TRIM48: variants seen among roughly 807,000 people sequenced by gnomAD.
The protein encoded by TRIM48 is tripartite motif containing 48.
Under a neutral mutation model 29.5 loss-of-function variants are expected in TRIM48, and 31 were observed. The ratio of observed to expected loss-of-function variants is 1.05; its 90% CI spans 0.79 to 1.42. The LOEUF is 1.42. Among genes scored for constraint, TRIM48 ranks in the 40% most tolerant of loss-of-function variants. The pLI, the probability that TRIM48 is intolerant of heterozygous loss-of-function variation, is 0.00. For missense variants in TRIM48, 344 were observed against 265.0 expected (o/e 1.30, Z -2.07); for synonymous variants, 128 against 90.6 (o/e 1.41, Z -2.34).
At chr11:55,262,434 T>C (rs1428768463) in intron 1 of TRIM48, 123 bp downstream of exon 1, 4 of 730,136 alleles carry the variant, frequency 5.5e-6, no homozygotes, top group Non-Finnish European at 9.2e-6. Flanking sequence ...TTCATATTCT[T>C]ACTATAGATT....
Position 55,262,265 on chromosome 11 carries a change from A to G in TRIM48, c.-3A>G, listed in dbSNP as rs549612400. On this transcript the variant is annotated 5_prime_UTR_variant, in exon 1 of 6. Transcript: ENST00000417545. ...CTGACCTTGAGGAGTACTTAACAGAATTATGTCTCGAAGAATCATTGTGGG... is the reference window on the plus strand; with the variant it reads ...CTGACCTTGAGGAGTACTTAACAGAGTTATGTCTCGAAGAATCATTGTGGG... 3 of 1,548,872 alleles carry G rather than the reference A, an allele frequency of 1.9e-6. No homozygotes were observed. Among genetic ancestry groups the G allele is most frequent in the East Asian group, 4.9e-5 (2 of 40,872 alleles).
At chr11:55,268,467 T>A in intron 4 of TRIM48, 95 bp downstream of exon 4, 1 of 1,255,608 alleles carries the variant, frequency 8.0e-7, no homozygotes, top group East Asian at 2.8e-5. Flanking sequence ...GATTAAGATA[T>A]TGATACTATT....
At chr11:55,269,384 T>A in intron 5 of TRIM48, 45 bp downstream of exon 5, 6 of 1,554,624 alleles carry the variant, frequency 3.9e-6, no homozygotes, top group Non-Finnish European at 5.2e-6. Flanking sequence ...CTAAATATTA[T>A]TATTGTTAGG....
chr11:55,263,315 T>C (rs1857333550), intron 1 of TRIM48, among the ~76,000 whole-genome samples: 3 of 152,090 alleles, frequency 2.0e-5, no homozygotes, highest in African/African-American at 2.4e-5. Context: ...TAGCAGGCTA[T>C]ACCATCTAGG....
chr11:55,266,518 C>A (rs1333944868), intron 3 of TRIM48, among the ~76,000 whole-genome samples: 1 of 147,352 alleles, frequency 6.8e-6, no homozygotes, highest in African/African-American at 2.5e-5. Flanking sequence ...CAAAAATGGT[C>A]AACATGCAAA....
Position 55,262,229 on chromosome 11 carries a change from C to G in TRIM48, c.-39C>G. 4 of 1,529,900 alleles carry G rather than the reference C, an allele frequency of 2.6e-6. No homozygotes were observed. The highest frequency in any genetic ancestry group is 3.5e-6 in the Non-Finnish European group (4 of 1,129,128). The allele number at this position is 1,529,900 out of a possible 1,614,324, so 94.8% of individuals were successfully genotyped here. On this transcript the variant is annotated 5_prime_UTR_variant, in exon 1 of 6. Transcript: ENST00000417545. ...TGACCTCTGAAACTCAGTACTGCAG[C>G]GAATGAGCTCCTGACCTTGAGGAGT...
At chr11:55,266,250 A>AGG (rs1857390692) in intron 3 of TRIM48, among the ~76,000 whole-genome samples, 1 of 147,780 alleles carries the variant, frequency 6.8e-6, no homozygotes, top group African/African-American at 2.5e-5. Context: ...TTGTGTCTTG[A>AGG]GGGAGACATG....
rs1387774792 is a variant in TRIM48 at position 55,271,100 on chromosome 11, G to A, written c.*665G>A. The A allele has an allele frequency of 1.6e-5, 15 of 910,294 alleles. No individual in the cohort carries two copies. The highest frequency in any genetic ancestry group is 8.6e-5 in the African/African-American group (5 of 57,870). 56.4% of individuals were successfully genotyped at this position (910,294 alleles called of 1,614,324 possible). ...ATTTATTGTGTTACTATTAAATGTAGTAAAAACACTAAAAGTATATATATT... is the reference window on the plus strand; with the variant it reads ...ATTTATTGTGTTACTATTAAATGTAATAAAAACACTAAAAGTATATATATT... On this transcript the variant is annotated 3_prime_UTR_variant, in exon 6 of 6. Transcript: ENST00000417545.
At chr11:55,267,326 C>A (rs1310417637) in intron 3 of TRIM48, 7 of 1,408,984 alleles carry the variant, frequency 5.0e-6, no homozygotes, top group African/African-American at 4.3e-5. Context: ...ATTGGATGTT[C>A]GAGAGACAAA....
At chr11:55,269,203 A>G (rs1857438140) in intron 4 of TRIM48, 39 bp from the exon 5 acceptor site, 3 of 1,560,678 alleles carry the variant, frequency 1.9e-6, no homozygotes, top group Non-Finnish European at 2.6e-6. Flanking sequence ...TATTTATTTT[A>G]TGGCTGTAGA....
chr11:55,267,768 G>C (rs1857415542), intron 3 of TRIM48: 2 of 1,411,020 alleles, frequency 1.4e-6, no homozygotes, highest in Non-Finnish European at 1.9e-6. Context: ...CATAACTAAT[G>C]CTACTTTATT....
chr11:55,265,640 C>A lies in TRIM48; in HGVS notation c.500C>A (p.Ala167Asp). ...AAAATGCAGTCTTTATGGGAAAAAG[C>A]TTGTGAAAATCAGAGAAACCTGAAT... ...LKKMQSLWEK[A>D]CENQRNLNVE... Residue 167 changes from alanine to aspartate, a missense_variant, in exon 3 of 6, where the codon GCT (alanine) becomes GAT (aspartate). Ala to Asp is a moderately radical substitution (Grantham distance 126). Coordinates refer to ENST00000417545, the MANE Select transcript of TRIM48 (RefSeq NM_024114.5). The A allele has an allele frequency of 6.3e-7, 1 of 1,581,642 alleles. No individual in the cohort carries two copies. The highest frequency in any genetic ancestry group is 8.6e-7 in the Non-Finnish European group (1 of 1,165,348).
chr11:55,265,196 A>G lies in TRIM48; in HGVS notation c.341A>G (p.Glu114Gly), dbSNP rs762453221. ...SEEQMCGIHR[E>G]TKKMFCEVDR... Reference sequence around the variant, plus strand: ...GAGCAAATGTGTGGCATTCACAGGGAGACAAAGAAGATGTTCTGTGAAGTG... The same window carrying G: ...GAGCAAATGTGTGGCATTCACAGGGGGACAAAGAAGATGTTCTGTGAAGTG... Residue 114 changes from glutamate (E) to glycine (G), a missense_variant, in exon 2 of 6, where the codon GAG becomes GGG. Glu to Gly is a moderately conservative substitution (Grantham distance 98). Transcript: ENST00000417545. 1.9e-6 allele frequency: 3 copies of G among 1,582,694 alleles called. No homozygotes were observed. The highest frequency in any genetic ancestry group is 2.6e-6 in the Non-Finnish European group (3 of 1,166,206).
chr11:55,267,810 C>T (rs1449529932), intron 3 of TRIM48, among the ~76,000 whole-genome samples: 1 of 147,772 alleles, frequency 6.8e-6, no homozygotes, highest in Non-Finnish European at 1.5e-5. Flanking sequence ...GGGATCCTAC[C>T]AGGCCAAAGG....
At chr11:55,267,561 A>C in intron 3 of TRIM48, 1 of 1,567,704 alleles carries the variant, frequency 6.4e-7, no homozygotes. Flanking sequence ...AAAATGGCTC[A>C]TAGGAGGGAG....
Position 55,270,450 on chromosome 11 carries a change from G to A in TRIM48, c.*15G>A. 2 of 1,502,142 alleles carry A rather than the reference G, an allele frequency of 1.3e-6. No individual in the cohort carries two copies. The highest frequency in any genetic ancestry group is 1.8e-6 in the Non-Finnish European group (2 of 1,103,786). 93.1% of individuals were successfully genotyped at this position (1,502,142 alleles called of 1,614,324 possible). A position where few individuals can be genotyped will look rare whatever the true frequency, so the allele number is the denominator to read the frequency against. ...TTTATTTTGCAGTGGATATTACTCTGCATCACAATGAAGCCAACAGTCATA... is the reference window on the plus strand; with the variant it reads ...TTTATTTTGCAGTGGATATTACTCTACATCACAATGAAGCCAACAGTCATA... On this transcript the variant is annotated 3_prime_UTR_variant, in exon 6 of 6. Coordinates refer to ENST00000417545, the MANE Select transcript of TRIM48 (RefSeq NM_024114.5).
At chr11:55,268,965 C>A (rs879708825) in intron 4 of TRIM48, among the ~76,000 whole-genome samples, 1 of 147,764 alleles carries the variant, frequency 6.8e-6, no homozygotes, top group Admixed American at 6.9e-5. Context: ...CTCAGAATTT[C>A]GTTTCTAAAT....
rs1215737527 is a variant in TRIM48 at position 55,270,818 on chromosome 11, A to T, written c.*383A>T. The T allele has an allele frequency of 4.4e-6, 7 of 1,574,354 alleles. 1 individual carries two copies. Among genetic ancestry groups the T allele is most frequent in the Non-Finnish European group, 6.0e-6 (7 of 1,157,936 alleles). ...ACCAACCATGTAGAATTATTCCTGG[A>T]TTGTGAAGCTAGAACTGTGAGCTTC... On this transcript the variant is annotated 3_prime_UTR_variant, in exon 6 of 6. Coordinates refer to ENST00000417545, the MANE Select transcript of TRIM48 (RefSeq NM_024114.5).
Position 55,270,376 on chromosome 11 carries a change from C to T in TRIM48, c.*2-61C>T, listed in dbSNP as rs571998423. ...ATAGAACGATTTTTGCTTATTTACACATGCCTATGCATGTTTTCTTTCTTT... is the reference window on the plus strand; with the variant it reads ...ATAGAACGATTTTTGCTTATTTACATATGCCTATGCATGTTTTCTTTCTTT... On this transcript the variant is annotated intron_variant, in intron 5 of 5. Transcript: ENST00000417545. 4.6e-6 allele frequency: 6 copies of T among 1,301,614 alleles called. 2 individuals are homozygous for T. The South Asian group carries it at 9.8e-5, about 21-fold the overall frequency. 80.6% of individuals were successfully genotyped at this position (1,301,614 alleles called of 1,614,324 possible).
Sources: gnomAD v4.1 joint callset for allele counts (sites outside exome capture counted in the v4.1 genomes callset) on GRCh38, gnomAD v4.1.1 for gene constraint, MANE v1.5 for transcripts, NCBI Gene and HGNC (gene_info 2026-07-23, HGNC 2026-07-21) for gene names.